The following IBTK variants were observed in gnomAD, a reference collection of about 807,000 sequenced individuals.
IBTK encodes the protein BTK-binding protein.
In IBTK, 83 loss-of-function variants were observed where a neutral mutation model predicts 154.9. The observed-to-expected ratio is 0.54, with a 90% confidence interval of 0.45 to 0.64. The LOEUF is 0.64. Ranked by LOEUF, IBTK falls within the 30% of genes least tolerant of loss-of-function variation. IBTK has a pLI of 0.00. For missense variants in IBTK, 1,332 were observed against 1,584.6 expected (o/e 0.84, Z 2.71); for synonymous variants, 515 against 536.1 (o/e 0.96, Z 0.54).
At chr6:82,182,766 C>A (rs1768368199) in intron 25 of IBTK, among the ~76,000 whole-genome samples, 3 of 152,126 alleles carry the variant, frequency 2.0e-5, no homozygotes, top group Admixed American at 1.3e-4. Context: ...AAACACAACA[C>A]AGAATGAAAA....
Position 82,200,714 on chromosome 6 carries a change from G to A in IBTK, c.2791-6C>T. The A allele has an allele frequency of 8.4e-7, 1 of 1,192,156 alleles. No individual in the cohort carries two copies. The highest frequency in any genetic ancestry group is 1.4e-5 in the South Asian group (1 of 72,488). The allele number at this position is 1,192,156 out of a possible 1,614,324, so 73.8% of individuals were successfully genotyped here. A position where few individuals can be genotyped will look rare whatever the true frequency, so the allele number is the denominator to read the frequency against. On this transcript the variant is annotated splice_polypyrimidine_tract_variant and splice_region_variant and intron_variant, in intron 19 of 28. Transcript: ENST00000306270. ...CTTCTATCCATTGCTGGAATCTGCAGAATTGAAGATATCACTTTTCAAATA... is the reference window on the plus strand; with the variant it reads ...CTTCTATCCATTGCTGGAATCTGCAAAATTGAAGATATCACTTTTCAAATA...
intron 5 of IBTK, among the ~76,000 whole-genome samples, chr6:82,226,253 T>A (rs1373046347): frequency 6.7e-6 from 1 of 150,322 alleles, no homozygotes; most frequent in Non-Finnish European, 1.5e-5. Context: ...TAAGGTAATA[T>A]TATATATGAA....
chr6:82,193,053 G>A (rs1011767096), intron 23 of IBTK, among the ~76,000 whole-genome samples: 2 of 148,234 alleles, frequency 1.3e-5, no homozygotes, highest in African/African-American at 2.5e-5. Flanking sequence ...AGCCGAGATC[G>A]TGCCACCGCA....
chr6:82,224,312 C>T (rs763404544), intron 6 of IBTK, 127 bp from the exon 7 acceptor site: 2 of 679,642 alleles, frequency 2.9e-6, no homozygotes, highest in Non-Finnish European at 2.6e-6. Context: ...GTGCAATTGG[C>T]AGTTGTCACT....
At chr6:82,220,895 T>C (rs1281370923) in intron 8 of IBTK, among the ~76,000 whole-genome samples, 182 bp from the exon 9 acceptor site, 9 of 151,796 alleles carry the variant, frequency 5.9e-5, no homozygotes, top group Non-Finnish European at 1.0e-4. Flanking sequence ...AAGGGGGCTG[T>C]TCCTTTCTAT....
intron 11 of IBTK, among the ~76,000 whole-genome samples, chr6:82,215,180 T>C (rs1769820655): frequency 6.6e-6 from 1 of 152,186 alleles, no homozygotes; most frequent in Admixed American, 6.5e-5. Flanking sequence ...GTGGTTTGCC[T>C]TGGACTGACG....
chr6:82,204,844 C>T lies in IBTK; in HGVS notation c.2611+13G>A, dbSNP rs778327333. On this transcript the variant is annotated intron_variant, in intron 17 of 28. Coordinates refer to ENST00000306270, the MANE Select transcript of IBTK (RefSeq NM_015525.4). ...CTGAAAACATATTAATATTCAAACT[C>T]AAAATTACTCACGTTTTTCAGTTAA... is the stretch of plus-strand genomic sequence containing the variant. 6.7e-7 allele frequency: 1 copy of T among 1,485,994 alleles called. No individual in the cohort carries two copies. The highest frequency in any genetic ancestry group is 1.2e-5 in the South Asian group (1 of 81,548). The allele number at this position is 1,485,994 out of a possible 1,614,324, so 92.1% of individuals were successfully genotyped here. A position where few individuals can be genotyped will look rare whatever the true frequency, so the allele number is the denominator to read the frequency against.
intron 22 of IBTK, 21 bp downstream of exon 22, chr6:82,196,277 G>A: frequency 6.4e-7 from 1 of 1,566,538 alleles, no homozygotes; most frequent in Non-Finnish European, 8.7e-7. Flanking sequence ...AGGTAAGGAG[G>A]TAGTGCTTCA....
At chr6:82,202,080 T>C (rs1157189819) in intron 18 of IBTK, among the ~76,000 whole-genome samples, 3 of 152,120 alleles carry the variant, frequency 2.0e-5, no homozygotes, top group Non-Finnish European at 4.4e-5. Context: ...TCATAAGAGT[T>C]TCATAAAAAT....
rs986999926 is a variant in IBTK at position 82,247,665 on chromosome 6, G to C, written c.-461C>G. Reference sequence around the variant, plus strand: ...CAATAAGAGAAACCGAACGGCGCCAGAGGGGCCAGTCCCCAGACCCGGGTC... The same window carrying C: ...CAATAAGAGAAACCGAACGGCGCCACAGGGGCCAGTCCCCAGACCCGGGTC... On this transcript the variant is annotated 5_prime_UTR_variant, in exon 1 of 29. Transcript: ENST00000306270. 2.5e-6 allele frequency: 1 copy of C among 398,784 alleles called. No homozygotes were observed. Among genetic ancestry groups the C allele is most frequent in the African/African-American group, 2.1e-5 (1 of 48,658 alleles). 24.7% of individuals were successfully genotyped at this position (398,784 alleles called of 1,614,324 possible). A position where few individuals can be genotyped will look rare whatever the true frequency, so the allele number is the denominator to read the frequency against.
At chr6:82,221,580 C>T (rs1249066304) in intron 8 of IBTK, among the ~76,000 whole-genome samples, 7 of 152,086 alleles carry the variant, frequency 4.6e-5, no homozygotes, top group Admixed American at 1.3e-4. Flanking sequence ...CTGCCTGCTG[C>T]TACTCCAATG....
intron 13 of IBTK, among the ~76,000 whole-genome samples, chr6:82,211,931 A>C (rs1444159015): frequency 6.6e-6 from 1 of 152,148 alleles, no homozygotes; most frequent in Non-Finnish European, 1.5e-5. Flanking sequence ...AGTTGAAACA[A>C]CTCCACAGTT....
In IBTK at chr6:82,240,574, A is replaced by G. The variant is rs1351215575; in HGVS notation, c.-88T>C. The G allele has an allele frequency of 1.2e-5, 13 of 1,047,304 alleles. No individual in the cohort carries two copies. Among genetic ancestry groups the G allele is most frequent in the Non-Finnish European group, 1.8e-5 (13 of 716,982 alleles). 64.9% of individuals were successfully genotyped at this position (1,047,304 alleles called of 1,614,324 possible). A position where few individuals can be genotyped will look rare whatever the true frequency, so the allele number is the denominator to read the frequency against. ...CCAGGACACAAAGGTGCTATTGAGG[A>G]AGTTACAGAGAATAAATTACCTTTT... On this transcript the variant is annotated 5_prime_UTR_variant, in exon 2 of 29. Coordinates refer to ENST00000306270, the MANE Select transcript of IBTK (RefSeq NM_015525.4).
In IBTK at chr6:82,198,615, C is replaced by T. The variant is rs1202528053; in HGVS notation, c.3025+1526G>A. Among the ~76,000 whole-genome samples the T allele has an allele frequency of 2.6e-5, 4 of 151,896 alleles. No homozygotes were observed. In the South Asian group the frequency reaches 8.3e-4, roughly 32 times the overall value. On this transcript the variant is annotated intron_variant, in intron 21 of 28. Transcript: ENST00000306270. ...TAACAAGCTTTTTTTTCCAAAGGGA[C>T]ACAAAACAATGTACTCTTCTATTTT...
chr6:82,216,300 T>A, intron 10 of IBTK, 50 bp from the exon 11 acceptor site: 1 of 1,182,038 alleles, frequency 8.5e-7, no homozygotes, highest in South Asian at 1.4e-5. Flanking sequence ...CTGAAACTAC[T>A]AAAATGATTG....
intron 12 of IBTK, 102 bp downstream of exon 12, chr6:82,214,125 T>C: frequency 8.5e-7 from 1 of 1,176,704 alleles, no homozygotes. Context: ...CCGGCTAATT[T>C]TTTGTATTTT....
In IBTK at chr6:82,231,776, C is replaced by T; in HGVS notation, c.485G>A (p.Ser162Asn). The T allele has an allele frequency of 1.2e-6, 2 of 1,609,090 alleles. No homozygotes were observed. Among genetic ancestry groups the T allele is most frequent in the Non-Finnish European group, 1.7e-6 (2 of 1,176,636 alleles). ...NFTLGHGSQN[S>N]KHHPELVDLF... The stretch of plus-strand genomic sequence containing the variant: ...ATCCACCAACTCTGGATGATGTTTG[C>T]TATTCTGGCTTCCATGACCCAGGGT... The change falls in exon 4 of 29, where the codon AGC becomes AAC. Residue 162 changes from serine to asparagine, a missense_variant. Ser to Asn is a conservative substitution (Grantham distance 46). Around this residue, in one of 3 missense-constraint regions of IBTK, gnomAD observed 114 missense variants for 213.7 expected, o/e 0.53. Transcript: ENST00000306270.
intron 4 of IBTK, among the ~76,000 whole-genome samples, chr6:82,230,758 T>A (rs561237341): frequency 2.0e-5 from 3 of 152,182 alleles, no homozygotes; most frequent in Non-Finnish European, 4.4e-5. Flanking sequence ...GGGCTAGAGA[T>A]ACACATACAT....
At chr6:82,228,955 T>C (rs1465517777) in intron 4 of IBTK, among the ~76,000 whole-genome samples, 1 of 152,108 alleles carries the variant, frequency 6.6e-6, no homozygotes, top group Non-Finnish European at 1.5e-5. Context: ...GAACTGAGCA[T>C]GGATTTTCGC....
Sources: allele counts gnomAD v4.1 joint callset (sites outside exome capture counted in the v4.1 genomes callset), GRCh38; gene constraint gnomAD v4.1.1; regional missense constraint gnomAD v4.1.1; transcripts MANE v1.5; gene names NCBI Gene and HGNC (gene_info 2026-07-23, HGNC 2026-07-21).